SPAG16: variants seen among roughly 807,000 people sequenced by gnomAD.
The protein encoded by SPAG16 is sperm associated antigen 16.
In SPAG16, 86 loss-of-function variants were observed where a neutral mutation model predicts 80.4. That is an observed-to-expected ratio of 1.07 (90% confidence interval 0.90 to 1.28). The LOEUF is 1.28. Among genes scored for constraint, SPAG16 ranks in the 50% most tolerant of loss-of-function variants. The pLI, the probability that SPAG16 is intolerant of heterozygous loss-of-function variation, is 0.00. For missense variants in SPAG16, 870 were observed against 765.3 expected (o/e 1.14, Z -1.61); for synonymous variants, 294 against 265.9 (o/e 1.11, Z -1.03).
chr2:213,431,497 TA>T (rs60221504), intron 9 of SPAG16, among the ~76,000 whole-genome samples: 13,837 of 149,728 alleles, frequency 0.092, 1,612 homozygotes, highest in African/African-American at 0.27. Flanking sequence ...TCAGAAACTG[TA>T]AAAAAAAAGA....
At chr2:213,975,545 A>G (rs2045325429) in intron 12 of SPAG16, among the ~76,000 whole-genome samples, 1 of 151,944 alleles carries the variant, frequency 6.6e-6, no homozygotes, top group Non-Finnish European at 1.5e-5. Context: ...TCTCAAATAA[A>G]TACCCTAAAG....
intron 12 of SPAG16, among the ~76,000 whole-genome samples, chr2:213,980,725 T>TATATATATATATATATATATAGAGAGAG (rs374274176): frequency 3.8e-5 from 4 of 104,018 alleles, no homozygotes; most frequent in Admixed American, 1.1e-4. Context: ...TATATATATA[T>TATATATATATATATATATATAGAGAGAG]AGAGAGAGAG....
intron 13 of SPAG16, among the ~76,000 whole-genome samples, chr2:214,079,124 A>G (rs7590446): frequency 0.68 from 103,376 of 151,974 alleles, 36,547 homozygotes; most frequent in South Asian, 0.8. Flanking sequence ...AGAAAAGATC[A>G]TCATAGCAAG....
At chr2:213,848,552 C>T (rs1181749887) in intron 10 of SPAG16, among the ~76,000 whole-genome samples, 1 of 152,222 alleles carries the variant, frequency 6.6e-6, no homozygotes, top group Non-Finnish European at 1.5e-5. Context: ...TCCCCTTAAA[C>T]ATGTACTTTT....
At chr2:214,353,615 C>G (rs962982018) in intron 15 of SPAG16, among the ~76,000 whole-genome samples, 5 of 152,096 alleles carry the variant, frequency 3.3e-5, no homozygotes, top group Non-Finnish European at 4.4e-5. Flanking sequence ...AGTCAAGGAT[C>G]AAATGCTAAT....
intron 10 of SPAG16, among the ~76,000 whole-genome samples, chr2:213,687,282 A>C (rs1225373211): frequency 6.6e-6 from 1 of 152,192 alleles, no homozygotes; most frequent in African/African-American, 2.4e-5. Context: ...TCACAGTACA[A>C]GTCATTTATC....
At chr2:213,806,672 T>TA (rs1315045401) in intron 10 of SPAG16, among the ~76,000 whole-genome samples, 1 of 152,158 alleles carries the variant, frequency 6.6e-6, no homozygotes. Context: ...GGGGTAAATT[T>TA]AAAAGCATTA....
intron 9 of SPAG16, among the ~76,000 whole-genome samples, chr2:213,453,117 T>C (rs959283668): frequency 1.3e-5 from 2 of 152,232 alleles, no homozygotes; most frequent in African/African-American, 2.4e-5. Context: ...TGTTTCCTTT[T>C]TTCTTAGAAC....
chr2:213,948,349 G>A (rs1256064084), intron 12 of SPAG16, among the ~76,000 whole-genome samples: 1 of 152,066 alleles, frequency 6.6e-6, no homozygotes, highest in Non-Finnish European at 1.5e-5. Context: ...AAGCAATAAA[G>A]GAAGTGTGTA....
At chr2:213,712,550 G>A (rs575829524) in intron 10 of SPAG16, among the ~76,000 whole-genome samples, 32 of 152,210 alleles carry the variant, frequency 2.1e-4, no homozygotes, top group Admixed American at 1.4e-3. Context: ...CCCTCTACAC[G>A]TAGTAAGACA....
chr2:213,637,045 A>C (rs1303679530), intron 10 of SPAG16, among the ~76,000 whole-genome samples: 2 of 152,038 alleles, frequency 1.3e-5, no homozygotes, highest in African/African-American at 4.8e-5. Context: ...TCTCAGGGGG[A>C]ATGCTTTCAA....
chr2:214,054,955 T>C (rs1316763341), intron 13 of SPAG16, among the ~76,000 whole-genome samples: 1 of 152,200 alleles, frequency 6.6e-6, no homozygotes, highest in African/African-American at 2.4e-5. Flanking sequence ...CTAATTCCTT[T>C]GCCCTAACAC....
intron 11 of SPAG16, among the ~76,000 whole-genome samples, chr2:213,904,574 A>T (rs1315395211): frequency 6.8e-6 from 1 of 146,042 alleles, no homozygotes; most frequent in African/African-American, 2.6e-5. Context: ...GAGCCAAACC[A>T]TATCAATTAA....
chr2:214,175,249 A>G (rs1576419755), intron 15 of SPAG16, among the ~76,000 whole-genome samples: 1 of 146,390 alleles, frequency 6.8e-6, no homozygotes, highest in Non-Finnish European at 1.5e-5. Flanking sequence ...AGAAATGTAT[A>G]TATATATATA....
chr2:213,676,238 C>G (rs2064067627), intron 10 of SPAG16, among the ~76,000 whole-genome samples: 1 of 152,104 alleles, frequency 6.6e-6, no homozygotes, highest in Admixed American at 6.5e-5. Flanking sequence ...ATTTTGTATC[C>G]TGAGACTTTG....
At chr2:214,196,444 T>C (rs1252228882) in intron 15 of SPAG16, among the ~76,000 whole-genome samples, 1 of 152,092 alleles carries the variant, frequency 6.6e-6, no homozygotes, top group Admixed American at 6.6e-5. Context: ...GCCATCCGTA[T>C]TGACTGTTTA....
At chr2:214,212,850 T>C (rs1424823263) in intron 15 of SPAG16, among the ~76,000 whole-genome samples, 1 of 152,236 alleles carries the variant, frequency 6.6e-6, no homozygotes, top group Non-Finnish European at 1.5e-5. Context: ...ACCTGAGGAA[T>C]TTTAGAGGGA....
At chr2:214,368,475 A>G (rs1039437286) in intron 15 of SPAG16, among the ~76,000 whole-genome samples, 7 of 152,082 alleles carry the variant, frequency 4.6e-5, no homozygotes, top group Non-Finnish European at 8.8e-5. Context: ...CAGCATAAGG[A>G]GAAATTTATT....
chr2:213,381,086 C>CAGTATAAGTG (rs76011056), intron 9 of SPAG16, among the ~76,000 whole-genome samples: 1 of 151,906 alleles, frequency 6.6e-6, no homozygotes, highest in African/African-American at 2.4e-5. Flanking sequence ...CTGGGCTTAC[C>CAGTATAAGTG]GTAAAATAGA....
Sources: allele counts gnomAD v4.1 joint callset (sites outside exome capture counted in the v4.1 genomes callset), GRCh38; gene constraint gnomAD v4.1.1; transcripts MANE v1.5; gene names NCBI Gene and HGNC (gene_info 2026-07-23, HGNC 2026-07-21).